Variants in SUGCT observed in about 807,000 individuals in gnomAD.
SUGCT encodes succinyl-CoA:glutarate-CoA transferase, also known as succinyl-CoA:glutarate CoA-transferase.
SUGCT carries 41 observed loss-of-function variants against 55.0 expected under a neutral mutation model. That is an observed-to-expected ratio of 0.74 (90% CI 0.58 to 0.97). The LOEUF is 0.97. Among genes scored for constraint, SUGCT ranks in the 50% least tolerant of loss-of-function variants. The probability of loss-of-function intolerance (pLI) is 0.00; values close to 1 mark genes in which losing one functional copy is unlikely to be tolerated. For missense variants in SUGCT, 568 were observed against 547.8 expected, an observed-to-expected ratio of 1.04 and a Z score of -0.37; for synonymous variants, 187 against 200.4, an observed-to-expected ratio of 0.93 and a Z score of 0.56.
intron 9 of SUGCT, among the ~76,000 whole-genome samples, chr7:40,350,265 T>C (rs1009102920): frequency 6.7e-6 from 1 of 149,702 alleles, no homozygotes; most frequent in Admixed American, 6.7e-5. Context: ...TGAATCATAC[T>C]CATTACTATA....
chr7:40,366,797 A>G (rs1783999201), intron 9 of SUGCT, among the ~76,000 whole-genome samples: 1 of 152,084 alleles, frequency 6.6e-6, no homozygotes, highest in Admixed American at 6.6e-5. Context: ...AGAAATAGGA[A>G]CACTTTTACA....
At chr7:40,845,422 C>T (rs1017827129) in intron 13 of SUGCT, among the ~76,000 whole-genome samples, 1 of 152,162 alleles carries the variant, frequency 6.6e-6, no homozygotes, top group African/African-American at 2.4e-5. Context: ...TGCAGTTTGG[C>T]TGGAAGAAAC....
intron 9 of SUGCT, among the ~76,000 whole-genome samples, chr7:40,418,754 A>G (rs909799921): frequency 1.3e-5 from 2 of 152,174 alleles, no homozygotes; most frequent in African/African-American, 4.8e-5. Context: ...TCCACTGGTT[A>G]CCATGAGGGT....
intron 5 of SUGCT, 102 bp downstream of exon 5, chr7:40,189,696 G>A: frequency 2.2e-6 from 1 of 464,732 alleles, no homozygotes; most frequent in Admixed American, 4.0e-5. Flanking sequence ...TGGGTGATCT[G>A]TACGTTTGCA....
the SUGCT span, among the ~76,000 whole-genome samples, chr7:40,950,814 A>G: frequency 2.0e-5 from 3 of 152,114 alleles, no homozygotes; most frequent in African/African-American, 7.2e-5. Flanking sequence ...AGCCCACTTG[A>G]TCATGGTGGA....
At chr7:40,191,223 G>A (rs375297409) in intron 5 of SUGCT, among the ~76,000 whole-genome samples, 123 of 152,136 alleles carry the variant, frequency 8.1e-4, no homozygotes, top group African/African-American at 2.9e-3. Flanking sequence ...CACCATATTG[G>A]TCAGTCTAGT....
intron 12 of SUGCT, among the ~76,000 whole-genome samples, chr7:40,665,315 G>A (rs547758874): frequency 3.9e-5 from 6 of 152,034 alleles, no homozygotes; most frequent in Middle Eastern, 3.4e-3. Context: ...TGTGGCGTGC[G>A]CCTGCAATCC....
chr7:40,940,179 T>A, the SUGCT span, among the ~76,000 whole-genome samples: 5 of 152,270 alleles, frequency 3.3e-5, no homozygotes, highest in South Asian at 1.0e-3. Flanking sequence ...GAAGATTAGT[T>A]GGTTGTAAAT....
chr7:40,284,629 A>C (rs1218316329), intron 8 of SUGCT, among the ~76,000 whole-genome samples: 1 of 146,968 alleles, frequency 6.8e-6, no homozygotes, highest in Non-Finnish European at 1.5e-5. Flanking sequence ...AAAAAAAATG[A>C]GGTGATGTGT....
intron 13 of SUGCT, among the ~76,000 whole-genome samples, chr7:40,761,922 T>C (rs906270032): frequency 3.3e-5 from 5 of 152,136 alleles, no homozygotes; most frequent in Admixed American, 6.5e-5. Context: ...TCAAAGTGGG[T>C]TCTTTCTGCT....
chr7:40,829,765 C>T (rs1490160213), intron 13 of SUGCT, among the ~76,000 whole-genome samples: 2 of 152,084 alleles, frequency 1.3e-5, no homozygotes, highest in East Asian at 1.9e-4. Flanking sequence ...CGGCCCTGTG[C>T]TTTCACCCAT....
At chr7:40,486,884 AC>A (rs1359595131) in intron 11 of SUGCT, among the ~76,000 whole-genome samples, 1 of 150,714 alleles carries the variant, frequency 6.6e-6, no homozygotes, top group African/African-American at 2.4e-5. Flanking sequence ...ATTCTACCAC[AC>A]CTGGCTAACT....
At chr7:40,502,027 A>G (rs1227720196) in intron 12 of SUGCT, among the ~76,000 whole-genome samples, 2 of 152,090 alleles carry the variant, frequency 1.3e-5, no homozygotes, top group Non-Finnish European at 2.9e-5. Flanking sequence ...AATGACTAAG[A>G]AGAAGATAAT....
intron 13 of SUGCT, among the ~76,000 whole-genome samples, chr7:40,793,527 C>G (rs1790414457): frequency 6.6e-6 from 1 of 152,004 alleles, no homozygotes; most frequent in Non-Finnish European, 1.5e-5. Flanking sequence ...TCTCCTTCGA[C>G]TTTTAAATTT....
In SUGCT at chr7:40,135,140, C is replaced by T. The variant is rs762793485; in HGVS notation, c.100+20C>T. Reference sequence around the variant, plus strand: ...AGTCAGGTACCCTCCGAGATTCGGTCTGGGTGGCTAAAGGGATCCCTGCCC... The same window carrying T: ...AGTCAGGTACCCTCCGAGATTCGGTTTGGGTGGCTAAAGGGATCCCTGCCC... On this transcript the variant is annotated intron_variant, in intron 1 of 13. Coordinates refer to ENST00000335693, the MANE Select transcript of SUGCT (RefSeq NM_001193313.2). 33 of 1,537,054 alleles carry T rather than the reference C, an allele frequency of 2.1e-5. No individual in the cohort carries two copies. In the Admixed American group the frequency reaches 6.6e-4, roughly 31 times the overall value.
chr7:40,388,412 C>CATTT (rs765052192), intron 9 of SUGCT, among the ~76,000 whole-genome samples: 12 of 152,044 alleles, frequency 7.9e-5, no homozygotes, highest in South Asian at 2.1e-4. Flanking sequence ...GAAATCAGAG[C>CATTT]ATTTATTTAT....
intron 1 of SUGCT, among the ~76,000 whole-genome samples, chr7:40,170,865 C>G (rs2150676632): frequency 6.6e-6 from 1 of 152,260 alleles, no homozygotes; most frequent in South Asian, 2.1e-4. Flanking sequence ...ACCTCTTTTC[C>G]TGCCTCTCTT....
At chr7:40,512,167 T>C (rs1417849186) in intron 12 of SUGCT, among the ~76,000 whole-genome samples, 2 of 152,212 alleles carry the variant, frequency 1.3e-5, no homozygotes, top group African/African-American at 2.4e-5. Context: ...TTTAACTTTT[T>C]TGAAAAATGG....
chr7:40,294,733 G>C (rs1794011332), intron 8 of SUGCT, among the ~76,000 whole-genome samples: 2 of 152,080 alleles, frequency 1.3e-5, no homozygotes, highest in South Asian at 2.1e-4. Flanking sequence ...TTTTAGTAGA[G>C]ATGGGGTTTC....
Sources: allele counts gnomAD v4.1 joint callset (sites outside exome capture counted in the v4.1 genomes callset), GRCh38; gene constraint gnomAD v4.1.1; transcripts MANE v1.5; gene names NCBI Gene and HGNC (gene_info 2026-07-23, HGNC 2026-07-21).